Variants in GPC6 observed in about 807,000 individuals in gnomAD.
GPC6 encodes glypican-6.
A neutral mutation model predicts 55.2 loss-of-function variants in GPC6; 14 were observed. The ratio of observed to expected loss-of-function variants is 0.25; its 90% confidence interval spans 0.17 to 0.40. The LOEUF (loss-of-function observed/expected upper bound fraction) is 0.40, where lower values mean the gene tolerates loss of function less well. GPC6 is among the 10% of genes least tolerant of loss of function. The pLI is 1.00. For synonymous variants in GPC6, 278 were observed against 259.6 expected (o/e 1.07, Z -0.68); for missense variants, 641 against 708.5 (o/e 0.90, Z 1.08).
At chr13:93,555,995 G>A (rs1193317843) in intron 2 of GPC6, among the ~76,000 whole-genome samples, 1 of 152,148 alleles carries the variant, frequency 6.6e-6, no homozygotes, top group Admixed American at 6.5e-5. Flanking sequence ...ATTAAGGTCA[G>A]CCAGTAACAG....
chr13:93,661,158 T>C (rs1880904039), intron 2 of GPC6, among the ~76,000 whole-genome samples: 1 of 152,080 alleles, frequency 6.6e-6, no homozygotes, highest in Admixed American at 6.6e-5. Flanking sequence ...TAGTGACAAG[T>C]GTTCTGCTAT....
the GPC6 span, among the ~76,000 whole-genome samples, chr13:93,219,819 TCAAA>T: frequency 6.6e-6 from 1 of 152,146 alleles, no homozygotes; most frequent in Non-Finnish European, 1.5e-5. Flanking sequence ...TTTTTTCTAA[TCAAA>T]CAAGTCAAAC....
At chr13:93,312,725 T>C (rs530998992) in intron 1 of GPC6, among the ~76,000 whole-genome samples, 1 of 152,314 alleles carries the variant, frequency 6.6e-6, no homozygotes, top group South Asian at 2.1e-4. Context: ...ATTGGTTTAG[T>C]TGAGCACCTT....
intron 3 of GPC6, among the ~76,000 whole-genome samples, chr13:93,868,199 A>G (rs1257668064): frequency 6.6e-6 from 1 of 151,722 alleles, no homozygotes; most frequent in Non-Finnish European, 1.5e-5. Context: ...ATTCATAAAC[A>G]TGGACTTCAT....
At chr13:93,351,190 A>G (rs543503292) in intron 1 of GPC6, among the ~76,000 whole-genome samples, 1 of 152,342 alleles carries the variant, frequency 6.6e-6, no homozygotes, top group East Asian at 1.9e-4. Context: ...AACAAGAAAC[A>G]GCATTCCCAA....
intron 2 of GPC6, among the ~76,000 whole-genome samples, chr13:93,635,816 CAT>C (rs141951283): frequency 0.012 from 1,812 of 152,286 alleles, 18 homozygotes; most frequent in South Asian, 0.019. Flanking sequence ...GTAAATGACA[CAT>C]GTTACCACTT....
chr13:94,081,241 T>C (rs935446065), intron 4 of GPC6, among the ~76,000 whole-genome samples: 3 of 152,216 alleles, frequency 2.0e-5, no homozygotes, highest in Admixed American at 6.5e-5. Context: ...TTTCTAAAAC[T>C]GTTGTATTGT....
chr13:93,698,167 C>A (rs1882526431), intron 2 of GPC6, among the ~76,000 whole-genome samples: 1 of 152,112 alleles, frequency 6.6e-6, no homozygotes, highest in African/African-American at 2.4e-5. Flanking sequence ...TTCTTTTATT[C>A]AGCTTGAGTG....
At chr13:93,412,889 C>G (rs1317038788) in intron 1 of GPC6, among the ~76,000 whole-genome samples, 1 of 152,142 alleles carries the variant, frequency 6.6e-6, no homozygotes, top group African/African-American at 2.4e-5. Flanking sequence ...CCCCCTCCCA[C>G]AGACCTGCAA....
At chr13:93,465,718 T>A (rs1173905775) in intron 1 of GPC6, among the ~76,000 whole-genome samples, 1 of 152,198 alleles carries the variant, frequency 6.6e-6, no homozygotes, top group East Asian at 1.9e-4. Flanking sequence ...AGTAACACTT[T>A]TAATTTTCTT....
intron 6 of GPC6, among the ~76,000 whole-genome samples, chr13:94,319,878 T>C (rs1034770620): frequency 6.6e-6 from 1 of 152,194 alleles, no homozygotes; most frequent in Non-Finnish European, 1.5e-5. Flanking sequence ...TTGCTTAGGA[T>C]GTATTGGGCT....
At chr13:94,360,740 G>A (rs1428950079) in intron 6 of GPC6, among the ~76,000 whole-genome samples, 4 of 152,088 alleles carry the variant, frequency 2.6e-5, no homozygotes, top group Non-Finnish European at 5.9e-5. Context: ...CATCTTTTTT[G>A]AAATGAGTGA....
intron 2 of GPC6, among the ~76,000 whole-genome samples, chr13:93,735,533 AAG>A (rs1491268306): frequency 4.1e-5 from 6 of 147,498 alleles, no homozygotes; most frequent in Admixed American, 6.9e-5. Flanking sequence ...AAAAAAAAAA[AAG>A]AAGAAGAAGA....
At chr13:94,223,703 T>G (rs1223142157) in intron 4 of GPC6, among the ~76,000 whole-genome samples, 1 of 152,140 alleles carries the variant, frequency 6.6e-6, no homozygotes, top group African/African-American at 2.4e-5. Context: ...ATCTTACACA[T>G]GAGCAAACTT....
At chr13:93,446,899 A>G (rs1878025172) in intron 1 of GPC6, among the ~76,000 whole-genome samples, 1 of 152,120 alleles carries the variant, frequency 6.6e-6, no homozygotes, top group African/African-American at 2.4e-5. Flanking sequence ...TATGAAAATA[A>G]AAAAAGAATT....
chr13:93,219,089 T>TG, the GPC6 span, among the ~76,000 whole-genome samples: 2,358 of 137,560 alleles, frequency 0.017, 25 homozygotes, highest in Middle Eastern at 0.035. Flanking sequence ...CTTTCTTTCC[T>TG]ATTTTTTTTT....
At chr13:94,242,764 T>C (rs1279381194) in intron 4 of GPC6, among the ~76,000 whole-genome samples, 2 of 152,080 alleles carry the variant, frequency 1.3e-5, no homozygotes, top group Admixed American at 6.6e-5. Flanking sequence ...TATAACACAA[T>C]TTCATTTGAC....
At chr13:94,203,303 C>T (rs1889810852) in intron 4 of GPC6, among the ~76,000 whole-genome samples, 2 of 151,054 alleles carry the variant, frequency 1.3e-5, no homozygotes, top group Admixed American at 1.3e-4. Flanking sequence ...TATATGTATC[C>T]TGTAAAATCA....
At chr13:94,376,840 A>T (rs1354082269) in intron 6 of GPC6, among the ~76,000 whole-genome samples, 27 of 151,398 alleles carry the variant, frequency 1.8e-4, no homozygotes, top group African/African-American at 5.8e-4. Context: ...TGGTACTGGT[A>T]CCAAAACAGA....
Sources: allele counts gnomAD v4.1 joint callset (sites outside exome capture counted in the v4.1 genomes callset), GRCh38; gene constraint gnomAD v4.1.1; transcripts MANE v1.5; gene names NCBI Gene and HGNC (gene_info 2026-07-23, HGNC 2026-07-21).